Variants in ANKFN1 observed in about 807,000 individuals in gnomAD.
The protein encoded by ANKFN1 is ankyrin repeat and fibronectin type-III domain-containing protein 1.
Under a neutral mutation model 108.7 loss-of-function variants are expected in ANKFN1, and 74 were observed. That is an observed-to-expected ratio of 0.68 (90% CI 0.56 to 0.83). The LOEUF is 0.83. ANKFN1 is among the 40% of genes least tolerant of loss of function. The pLI, the probability that ANKFN1 is intolerant of heterozygous loss-of-function variation, is 0.00. For synonymous variants in ANKFN1, 547 were observed against 516.2 expected, an observed-to-expected ratio of 1.06 and a Z score of -0.81; for missense variants, 1,505 against 1,382.3, an observed-to-expected ratio of 1.09 and a Z score of -1.41.
At chr17:56,476,509 T>A (rs2050504095) in intron 15 of ANKFN1, among the ~76,000 whole-genome samples, 1 of 152,234 alleles carries the variant, frequency 6.6e-6, no homozygotes, top group South Asian at 2.1e-4. Context: ...TGTGACAATA[T>A]AATGCAAATT....
At chr17:56,082,805 G>T (rs79331640) in intron 4 of ANKFN1, among the ~76,000 whole-genome samples, 1 of 152,042 alleles carries the variant, frequency 6.6e-6, no homozygotes, top group Non-Finnish European at 1.5e-5. Context: ...TAGATGTACC[G>T]TTCAGTGAAC....
Position 56,217,417 on chromosome 17 carries a change from G to A in ANKFN1, c.12+4738G>A, listed in dbSNP as rs146231498. ...TAGCAGAGTTCTTCAAAATTCCACC[G>A]CATTGTGTTGAACAGAATGCATAGA... is the stretch of plus-strand genomic sequence containing the variant. On this transcript the variant is annotated intron_variant, in intron 2 of 20. Coordinates refer to ENST00000682825, the MANE Select transcript of ANKFN1 (RefSeq NM_001370326.1). 8.6e-3 allele frequency among the ~76,000 whole-genome samples: 1,314 copies of A among 152,274 alleles called. 9 individuals carry two copies. The highest frequency in any genetic ancestry group is 0.014 in the Non-Finnish European group (979 of 68,028).
intron 20 of ANKFN1, among the ~76,000 whole-genome samples, chr17:56,502,044 G>A (rs2051388656): frequency 6.6e-6 from 1 of 152,188 alleles, no homozygotes; most frequent in Non-Finnish European, 1.5e-5. Flanking sequence ...AAGGGAAGAA[G>A]GAGGGAAGGT....
rs2049732876 is a variant in ANKFN1, at chr17:56,457,113, CT to C, written c.1308-140del. ...TTTGTGTAAGACAGTAATTTTCTCT[CT>C]TTTGAGTTGTAACTAGTGAACTTAT... is the stretch of plus-strand genomic sequence containing the variant. On this transcript the variant is annotated intron_variant, in intron 12 of 20. Transcript: ENST00000682825. 3.5e-6 allele frequency: 4 copies of C among 1,128,352 alleles called. No homozygotes were observed. In the Admixed American group the frequency reaches 8.3e-5, roughly 23 times the overall value. The allele number at this position is 1,128,352 out of a possible 1,614,324, so 69.9% of individuals were successfully genotyped here. A position where few individuals can be genotyped will look rare whatever the true frequency, so the allele number is the denominator to read the frequency against.
chr17:56,055,131 C>T (rs1422552433), intron 4 of ANKFN1, among the ~76,000 whole-genome samples: 1 of 151,176 alleles, frequency 6.6e-6, no homozygotes, highest in East Asian at 1.9e-4. Flanking sequence ...ATATTGCATA[C>T]TGGTGGGGAT....
intron 8 of ANKFN1, among the ~76,000 whole-genome samples, chr17:56,408,715 G>A (rs1713453278): frequency 6.6e-6 from 1 of 152,108 alleles, no homozygotes; most frequent in Non-Finnish European, 1.5e-5. Context: ...GGTGTAGTCT[G>A]TGATGTGAGC....
chr17:56,101,777 T>G (rs1296624646), intron 4 of ANKFN1, among the ~76,000 whole-genome samples: 1 of 152,150 alleles, frequency 6.6e-6, no homozygotes, highest in Non-Finnish European at 1.5e-5. Flanking sequence ...CAGAAATAGT[T>G]TGAGAAGCAC....
At chr17:56,240,171 G>T (rs1917470658) in intron 3 of ANKFN1, among the ~76,000 whole-genome samples, 1 of 151,930 alleles carries the variant, frequency 6.6e-6, no homozygotes, top group African/African-American at 2.4e-5. Context: ...TTCCTGGTCT[G>T]ATTCTGCTCT....
chr17:56,486,587 C>T (rs762758631), intron 18 of ANKFN1, among the ~76,000 whole-genome samples: 4 of 152,182 alleles, frequency 2.6e-5, no homozygotes, highest in Non-Finnish European at 5.9e-5. Context: ...TTCCAAGGGC[C>T]TGCTACAGTG....
chr17:56,502,508 C>T (rs937482768), intron 20 of ANKFN1, among the ~76,000 whole-genome samples: 1 of 152,162 alleles, frequency 6.6e-6, no homozygotes, highest in African/African-American at 2.4e-5. Flanking sequence ...CAGCAAATGA[C>T]AAATGGAACC....
chr17:56,049,038 AG>A, intron 4 of ANKFN1, among the ~76,000 whole-genome samples: 1 of 152,364 alleles, frequency 6.6e-6, no homozygotes, highest in East Asian at 1.9e-4. Context: ...ACAGGGCGCA[AG>A]GATTTCTGAA....
chr17:56,081,729 C>T (rs2143166584), intron 4 of ANKFN1, among the ~76,000 whole-genome samples: 1 of 152,318 alleles, frequency 6.6e-6, no homozygotes, highest in Non-Finnish European at 1.5e-5. Flanking sequence ...TTAGGGTAAG[C>T]TGCCTGCATG....
chr17:56,359,716 G>A (rs1231310950), intron 6 of ANKFN1, among the ~76,000 whole-genome samples: 4 of 152,184 alleles, frequency 2.6e-5, no homozygotes, highest in South Asian at 2.1e-4. Context: ...TAAGGGGTTC[G>A]TGTTTGTGCT....
chr17:56,505,776 A>G (rs1444397733), intron 20 of ANKFN1, among the ~76,000 whole-genome samples: 1 of 152,206 alleles, frequency 6.6e-6, no homozygotes, highest in African/African-American at 2.4e-5. Flanking sequence ...TTAAAATATG[A>G]TACTCCATTA....
At chr17:56,489,621 G>A (rs750563251) in intron 18 of ANKFN1, among the ~76,000 whole-genome samples, 4 of 152,010 alleles carry the variant, frequency 2.6e-5, no homozygotes, top group Non-Finnish European at 5.9e-5. Flanking sequence ...TGAACACCCC[G>A]GCTTGTAAGA....
chr17:56,222,330 A>G (rs1915947848), intron 2 of ANKFN1, among the ~76,000 whole-genome samples: 1 of 152,202 alleles, frequency 6.6e-6, no homozygotes, highest in African/African-American at 2.4e-5. Context: ...ACTAGTTAGG[A>G]GACCCCAAAA....
At chr17:56,217,923 T>C (rs1192353223) in intron 2 of ANKFN1, among the ~76,000 whole-genome samples, 4 of 152,174 alleles carry the variant, frequency 2.6e-5, no homozygotes, top group African/African-American at 9.7e-5. Context: ...CTTGCTAGGA[T>C]CTCAACAGTT....
chr17:56,058,983 G>T (rs552622982), intron 4 of ANKFN1, among the ~76,000 whole-genome samples: 32 of 152,108 alleles, frequency 2.1e-4, no homozygotes, highest in South Asian at 2.1e-3. Flanking sequence ...TGGTATTTCT[G>T]GTTCTAGATC....
chr17:56,421,368 A>C (rs2048399820), intron 8 of ANKFN1, among the ~76,000 whole-genome samples: 1 of 152,172 alleles, frequency 6.6e-6, no homozygotes, highest in Non-Finnish European at 1.5e-5. Flanking sequence ...AGAGAGGTCT[A>C]GAAAAAGGGA....
Sources: allele counts gnomAD v4.1 joint callset (sites outside exome capture counted in the v4.1 genomes callset), GRCh38; gene constraint gnomAD v4.1.1; transcripts MANE v1.5; gene names NCBI Gene and HGNC (gene_info 2026-07-23, HGNC 2026-07-21).